The following KCNN1 variants were observed in gnomAD, a reference collection of about 807,000 sequenced individuals.
KCNN1 encodes small conductance calcium-activated potassium channel protein 1.
In KCNN1, 20 loss-of-function variants were observed where a neutral mutation model predicts 44.7. That is an observed-to-expected ratio of 0.45 (90% CI 0.32 to 0.65). KCNN1 has a LOEUF of 0.65. Ranked by LOEUF, KCNN1 falls within the 30% of genes least tolerant of loss-of-function variation. KCNN1 has a pLI of 0.05. For missense variants in KCNN1, 632 were observed against 785.3 expected, an observed-to-expected ratio of 0.80 and a Z score of 2.33; for synonymous variants, 324 against 341.7, an observed-to-expected ratio of 0.95 and a Z score of 0.57.
At chr19:17,953,830 G>C (rs973180032) in intron 1 of KCNN1, among the ~76,000 whole-genome samples, 1 of 152,216 alleles carries the variant, frequency 6.6e-6, no homozygotes, top group Non-Finnish European at 1.5e-5. Context: ...CTTGGGGGCC[G>C]AAGGTGGGAG....
At chr19:17,982,799 G>C (rs912166911) in intron 4 of KCNN1, among the ~76,000 whole-genome samples, 4 of 152,092 alleles carry the variant, frequency 2.6e-5, no homozygotes, top group African/African-American at 9.7e-5. Context: ...GAAGGGTGAG[G>C]GATTAAGGAA....
intron 2 of KCNN1, among the ~76,000 whole-genome samples, chr19:17,959,534 G>A (rs2031629607): frequency 6.6e-6 from 1 of 151,912 alleles, no homozygotes; most frequent in Non-Finnish European, 1.5e-5. Flanking sequence ...GGGATTACAG[G>A]TGTGAGCCAC....
chr19:17,958,931 AC>A (rs1381749952), intron 2 of KCNN1, among the ~76,000 whole-genome samples: 1 of 150,368 alleles, frequency 6.7e-6, no homozygotes, highest in Non-Finnish European at 1.5e-5. Context: ...CGATATCCTG[AC>A]TTCGTGATCC....
At chr19:17,987,243 G>A (rs1426020888) in intron 5 of KCNN1, among the ~76,000 whole-genome samples, 2 of 151,992 alleles carry the variant, frequency 1.3e-5, no homozygotes, top group Non-Finnish European at 2.9e-5. Flanking sequence ...CTGAGTAGCT[G>A]GGATGGCAGG....
upstream of KCNN1, among the ~76,000 whole-genome samples, chr19:17,964,520 C>G (rs951091248): frequency 4.6e-5 from 7 of 152,370 alleles, no homozygotes; most frequent in Admixed American, 4.6e-4. The surrounding 1 kb of genome is among the most constrained non-coding windows in gnomAD (Gnocchi z 4.3). Flanking sequence ...GGCAGTTTCC[C>G]AGGGCATGAG....
In KCNN1 at chr19:17,999,882, T is replaced by C; in HGVS notation, c.*1476T>C. ...CTTGGGCCCACGCACGAGAAGGGTA[T>C]GAGGAGGTGCTGGTCAGACCCGGGT... On this transcript the variant is annotated 3_prime_UTR_variant, in exon 10 of 10. Transcript: ENST00000684775. 1 of 446,812 alleles carries C rather than the reference T, an allele frequency of 2.2e-6. No individual in the cohort carries two copies. Among genetic ancestry groups the C allele is most frequent in the Non-Finnish European group, 4.5e-6 (1 of 222,444 alleles). The allele number at this position is 446,812 out of a possible 1,614,324, so 27.7% of individuals were successfully genotyped here.
chr19:17,998,169 C>T lies in KCNN1; in HGVS notation c.1395C>T (p.Tyr465=), dbSNP rs368555976. The T allele has an allele frequency of 1.5e-4, 241 of 1,599,802 alleles. No homozygotes were observed. Among genetic ancestry groups the T allele is most frequent in the Non-Finnish European group, 1.9e-4 (222 of 1,174,264 alleles). ...TCCCGCAGACCCAGACCGTCATGTA[C>T]GACCTTGTATCGGAGCTGCACGCTC... ...TDLAKTQTVM[Y]DLVSELHAQH... The change falls in exon 10 of 10, where the codon TAC becomes TAT. Residue 465 remains tyrosine, a synonymous_variant. Coordinates refer to ENST00000684775, the MANE Select transcript of KCNN1 (RefSeq NM_001386974.1). This position sits in a 1 kb window ranked among gnomAD's most constrained non-coding sequence, Gnocchi z 5.4.
Position 17,978,569 on chromosome 19 carries a change from C to T in KCNN1, c.499-3140C>T, listed in dbSNP as rs867828343. On this transcript the variant is annotated intron_variant, in intron 3 of 9. Transcript: ENST00000684775. ...CCTTCCAAGTAGCTGGGACCACAGG[C>T]ACAGACCGCCATGCCCAGCTAAATG... Among the ~76,000 whole-genome samples the T allele has an allele frequency of 7.9e-5, 12 of 151,754 alleles. 1 individual carries two copies. In the Middle Eastern group the frequency reaches 0.034, roughly 430 times the overall value.
chr19:17,985,879 T>A (rs1486697615), intron 5 of KCNN1, among the ~76,000 whole-genome samples: 1 of 152,244 alleles, frequency 6.6e-6, no homozygotes, highest in African/African-American at 2.4e-5. Context: ...TTGCAAGGGC[T>A]AAGTCGGTTA....
At chr19:17,975,059 C>A (rs367902017) in intron 2 of KCNN1, 33 bp from the exon 3 acceptor site, 2 of 1,573,182 alleles carry the variant, frequency 1.3e-6, no homozygotes, top group South Asian at 1.1e-5. Flanking sequence ...CCGCCTCCAG[C>A]GTCCATCTGG....
Position 17,972,717 on chromosome 19 carries a change from G to A in KCNN1, c.-81-1091G>A, listed in dbSNP as rs934796071. Among the ~76,000 whole-genome samples the A allele has an allele frequency of 4.6e-5, 7 of 152,172 alleles. No homozygotes were observed. The East Asian group carries it at 9.6e-4, about 21-fold the overall frequency. On this transcript the variant is annotated intron_variant, in intron 1 of 9. Transcript: ENST00000684775. The stretch of plus-strand genomic sequence containing the variant: ...AGGAGCCTACAAATGCAGGAGGCAC[G>A]GTGAGGTGAGGTTAACTCATCCAAG...
At chr19:17,979,184 A>G (rs1363882203) in intron 3 of KCNN1, among the ~76,000 whole-genome samples, 1 of 149,678 alleles carries the variant, frequency 6.7e-6, no homozygotes, top group Admixed American at 6.7e-5. Flanking sequence ...CTGTAATCCC[A>G]GCACTTTGGG....
chr19:17,976,472 C>T (rs1309829322), intron 3 of KCNN1, among the ~76,000 whole-genome samples: 1 of 150,930 alleles, frequency 6.6e-6, no homozygotes. Flanking sequence ...GGCTGGAGTG[C>T]AATGGCACGA....
intron 3 of KCNN1, among the ~76,000 whole-genome samples, chr19:17,978,083 ATGGGAGAAT>A (rs1274676319): frequency 1.3e-5 from 2 of 151,486 alleles, no homozygotes; most frequent in Non-Finnish European, 2.9e-5. Context: ...TGCACTTTAA[ATGGGAGAAT>A]TATACGGTTT....
intron 1 of KCNN1, among the ~76,000 whole-genome samples, chr19:17,952,668 G>A (rs1599984516): frequency 6.6e-6 from 1 of 152,270 alleles, no homozygotes; most frequent in African/African-American, 2.4e-5. Flanking sequence ...AGCACCGCTG[G>A]TTCCCGTTGC....
upstream of KCNN1, among the ~76,000 whole-genome samples, chr19:17,962,884 G>C (rs753332214): frequency 2.6e-5 from 4 of 150,988 alleles, no homozygotes; most frequent in Non-Finnish European, 5.9e-5. Flanking sequence ...TGTATTTTTA[G>C]TAGAGATGGG....
chr19:17,987,286 T>C (rs1268813981), intron 5 of KCNN1, among the ~76,000 whole-genome samples: 1 of 151,964 alleles, frequency 6.6e-6, no homozygotes, highest in Admixed American at 6.6e-5. Flanking sequence ...ATTTTTGTAT[T>C]TTTAGTACAG....
chr19:17,998,137 C>G lies in KCNN1; in HGVS notation c.1378-15C>G, dbSNP rs754243327. 45 of 1,571,140 alleles carry G rather than the reference C, an allele frequency of 2.9e-5. No homozygotes were observed. Among genetic ancestry groups the G allele is most frequent in the Non-Finnish European group, 3.7e-5 (43 of 1,158,664 alleles). ...TCAGCGGCGCCTCTCTCCTGCCCCT[C>G]TCTGTCTCCCGCAGACCCAGACCGT... is the stretch of plus-strand genomic sequence containing the variant. On this transcript the variant is annotated splice_polypyrimidine_tract_variant and intron_variant, in intron 9 of 9. Transcript: ENST00000684775. This position sits in a 1 kb window ranked among gnomAD's most constrained non-coding sequence, Gnocchi z 5.4.
Position 17,993,416 on chromosome 19 carries a change from T to C in KCNN1, c.1308-74T>C. 1 of 1,149,304 alleles carries C rather than the reference T, an allele frequency of 8.7e-7. No homozygotes were observed. The highest frequency in any genetic ancestry group is 1.3e-5 in the South Asian group (1 of 77,136). 71.2% of individuals were successfully genotyped at this position (1,149,304 alleles called of 1,614,324 possible). On this transcript the variant is annotated intron_variant, in intron 8 of 9. Transcript: ENST00000684775. The surrounding 1 kb of genome is among the most constrained non-coding windows in gnomAD (Gnocchi z 4.5). ...CCATAGGTGACCCCGGGTGGGTGCA[T>C]GAAAGTCCCTGCCCCCACTGCAGCC...
Sources: allele counts gnomAD v4.1 joint callset (sites outside exome capture counted in the v4.1 genomes callset), GRCh38; gene constraint gnomAD v4.1.1; non-coding constraint Gnocchi (gnomAD v3.1); transcripts MANE v1.5; gene names NCBI Gene and HGNC (gene_info 2026-07-23, HGNC 2026-07-21).